NCS1: variants seen among roughly 807,000 people sequenced by gnomAD.
NCS1 encodes neuronal calcium sensor 1, also known as frequenin homolog.
Under a neutral mutation model 28.4 loss-of-function variants are expected in NCS1, and 6 were observed. The ratio of observed to expected loss-of-function variants is 0.21; its 90% CI spans 0.12 to 0.42. The LOEUF (loss-of-function observed/expected upper bound fraction) is 0.42. Ranked by LOEUF, NCS1 falls within the 10% of genes least tolerant of loss-of-function variation. NCS1 has a pLI of 1.00. For synonymous variants in NCS1, 86 were observed against 99.3 expected (o/e 0.87, Z 0.79); for missense variants, 131 against 241.4 (o/e 0.54, Z 3.03).
chr9:130,223,690 A>C (rs1588125570), intron 6 of NCS1, among the ~76,000 whole-genome samples: 1 of 152,138 alleles, frequency 6.6e-6, no homozygotes, highest in East Asian at 1.9e-4. Context: ...TCGACAGATC[A>C]CAGGTACTGC....
At chr9:130,193,352 G>A (rs1488657396) in intron 1 of NCS1, among the ~76,000 whole-genome samples, 4 of 152,104 alleles carry the variant, frequency 2.6e-5, no homozygotes, top group Non-Finnish European at 5.9e-5. Flanking sequence ...GCAGCTGCAG[G>A]TGGGGACTGG....
intron 1 of NCS1, among the ~76,000 whole-genome samples, chr9:130,193,019 A>G (rs964267315): frequency 7.2e-5 from 11 of 152,206 alleles, no homozygotes; most frequent in Non-Finnish European, 1.6e-4. Context: ...TCCAGGTCCC[A>G]CAAGAGACCA....
rs1459596594 is a variant in NCS1, at chr9:130,175,754, C to T, written c.64+3027C>T. 1.3e-5 allele frequency among the ~76,000 whole-genome samples: 2 copies of T among 152,204 alleles called. No individual in the cohort carries two copies. The highest frequency in any genetic ancestry group is 4.8e-5 in the African/African-American group (2 of 41,458). ...CCTCACTGGACACACTGGGATTCCA[C>T]CTGGCTCAAACCCTAACCCAGTCCT... On this transcript the variant is annotated intron_variant, in intron 1 of 7. Transcript: ENST00000372398. The surrounding 1 kb of genome is among the most constrained non-coding windows in gnomAD (Gnocchi z 4.9).
intron 7 of NCS1, among the ~76,000 whole-genome samples, chr9:130,230,446 C>T (rs1408346232): frequency 6.6e-6 from 1 of 152,102 alleles, no homozygotes; most frequent in Non-Finnish European, 1.5e-5. Flanking sequence ...TGGTCACTCA[C>T]ACCTATCATC....
chr9:130,226,355 C>T lies in NCS1; in HGVS notation c.475-34C>T. 6.3e-7 allele frequency: 1 copy of T among 1,576,850 alleles called. No individual in the cohort carries two copies. Among genetic ancestry groups the T allele is most frequent in the Non-Finnish European group, 8.7e-7 (1 of 1,147,296 alleles). On this transcript the variant is annotated intron_variant, in intron 6 of 7. Coordinates refer to ENST00000372398, the MANE Select transcript of NCS1 (RefSeq NM_014286.4). This position sits in a 1 kb window ranked among gnomAD's most constrained non-coding sequence, Gnocchi z 4.8. ...TTGTCTAGAGCCCTCTCCTGGGAGGCCCTGCACCCTCAGCCGCCTCTCTCT... is the reference window on the plus strand; with the variant it reads ...TTGTCTAGAGCCCTCTCCTGGGAGGTCCTGCACCCTCAGCCGCCTCTCTCT...
intron 2 of NCS1, among the ~76,000 whole-genome samples, chr9:130,212,060 C>G (rs1191712993): frequency 2.1e-5 from 3 of 144,088 alleles, no homozygotes; most frequent in Non-Finnish European, 1.6e-5. Context: ...TATGGACGCC[C>G]TGAGCCAGGA....
At position 130,219,435 on chromosome 9, in the gene NCS1, C is replaced by A. The variant is rs1437615025; in HGVS notation, c.229-290C>A. Among the ~76,000 whole-genome samples the A allele has an allele frequency of 6.6e-6, 1 of 152,166 alleles. No individual in the cohort carries two copies. Among genetic ancestry groups the A allele is most frequent in the Non-Finnish European group, 1.5e-5 (1 of 68,020 alleles). On this transcript the variant is annotated intron_variant, in intron 3 of 7. Transcript: ENST00000372398. This position sits in a 1 kb window ranked among gnomAD's most constrained non-coding sequence, Gnocchi z 5.7. ...AGCTCAGGCATTGGTGCTTCTGGCA[C>A]CTTCTCCCATCAAGAGTGGAGTAAG...
chr9:130,204,786 T>C (rs1833003185), intron 2 of NCS1, among the ~76,000 whole-genome samples: 2 of 152,128 alleles, frequency 1.3e-5, no homozygotes, highest in South Asian at 4.1e-4. Context: ...TCTCTGCTGG[T>C]GTCAGTAACC....
intron 4 of NCS1, among the ~76,000 whole-genome samples, chr9:130,221,537 C>T (rs1833302666): frequency 6.9e-6 from 1 of 144,138 alleles, no homozygotes; most frequent in Admixed American, 7.1e-5. Flanking sequence ...TGGGCTCAAG[C>T]CATCCTCTCA....
chr9:130,182,465 T>C (rs1289621656), intron 1 of NCS1, among the ~76,000 whole-genome samples: 1 of 152,194 alleles, frequency 6.6e-6, no homozygotes, highest in South Asian at 2.1e-4. Context: ...GCAGATAGGA[T>C]CCTTCCCGCT....
At chr9:130,202,934 T>C (rs916449957) in intron 2 of NCS1, among the ~76,000 whole-genome samples, 3 of 151,836 alleles carry the variant, frequency 2.0e-5, no homozygotes, top group Non-Finnish European at 2.9e-5. Context: ...TCATTCCACA[T>C]GGCAGATGAG....
At position 130,226,566 on chromosome 9, in the gene NCS1, C is replaced by T; in HGVS notation, c.*17+62C>T. On this transcript the variant is annotated intron_variant, in intron 7 of 7. Transcript: ENST00000372398. This position sits in a 1 kb window ranked among gnomAD's most constrained non-coding sequence, Gnocchi z 4.8. ...TGGGTCAGGGGTGAAAACCCAGCAG[C>T]AGGACACCTACGGTTGGCAGGTAAT... 1 of 1,246,758 alleles carries T rather than the reference C, an allele frequency of 8.0e-7. No individual in the cohort carries two copies. The highest frequency in any genetic ancestry group is 1.2e-6 in the Non-Finnish European group (1 of 868,568). The allele number at this position is 1,246,758 out of a possible 1,614,324, so 77.2% of individuals were successfully genotyped here. A position where few individuals can be genotyped will look rare whatever the true frequency, so the allele number is the denominator to read the frequency against.
chr9:130,226,336 A>T lies in NCS1; in HGVS notation c.475-53A>T, dbSNP rs1833414284. ...GACCGGCCCTGGGCTGGGCTTGTCTAGAGCCCTCTCCTGGGAGGCCCTGCA... is the reference window on the plus strand; with the variant it reads ...GACCGGCCCTGGGCTGGGCTTGTCTTGAGCCCTCTCCTGGGAGGCCCTGCA... On this transcript the variant is annotated intron_variant, in intron 6 of 7. Transcript: ENST00000372398. This position sits in a 1 kb window ranked among gnomAD's most constrained non-coding sequence, Gnocchi z 4.8. 6.7e-7 allele frequency: 1 copy of T among 1,498,978 alleles called. No individual in the cohort carries two copies. 92.9% of individuals were successfully genotyped at this position (1,498,978 alleles called of 1,614,324 possible). A position where few individuals can be genotyped will look rare whatever the true frequency, so the allele number is the denominator to read the frequency against.
At chr9:130,200,301 T>C (rs1237621131) in intron 1 of NCS1, 1 of 467,094 alleles carries the variant, frequency 2.1e-6, no homozygotes, top group East Asian at 3.6e-5. Context: ...GAAAAAGCAT[T>C]TTTGTTTGTT....
chr9:130,227,673 A>G (rs1265213300), intron 7 of NCS1, among the ~76,000 whole-genome samples: 3 of 152,218 alleles, frequency 2.0e-5, no homozygotes, highest in Non-Finnish European at 4.4e-5. Flanking sequence ...ATGCCTTGTT[A>G]TAAGTGTATC....
intron 1 of NCS1, among the ~76,000 whole-genome samples, chr9:130,172,987 G>C (rs554024111): frequency 6.6e-6 from 1 of 151,920 alleles, no homozygotes; most frequent in Non-Finnish European, 1.5e-5. Context: ...GTCCGGAGGG[G>C]CAGCCCCAGC....
At chr9:130,214,319 A>G (rs1165632585) in intron 2 of NCS1, among the ~76,000 whole-genome samples, 2 of 152,146 alleles carry the variant, frequency 1.3e-5, no homozygotes, top group East Asian at 3.9e-4. Flanking sequence ...AGAAAGCGAT[A>G]TTCTCACGCT....
Position 130,189,879 on chromosome 9 carries a change from AATATATATAT to A in NCS1, c.65-11058_65-11049del, listed in dbSNP as rs1203988125. Among the ~76,000 whole-genome samples, 148 of 37,744 alleles carry A rather than the reference AATATATATAT, an allele frequency of 3.9e-3. 4 individuals are homozygous for A. Among genetic ancestry groups the A allele is most frequent in the Middle Eastern group, 0.032 (2 of 62 alleles). 24.8% of individuals were successfully genotyped at this position (37,744 alleles called of 152,430 possible). A position where few individuals can be genotyped will look rare whatever the true frequency, so the allele number is the denominator to read the frequency against. On this transcript the variant is annotated intron_variant, in intron 1 of 7. Transcript: ENST00000372398. The stretch of plus-strand genomic sequence containing the variant: ...ATCTCAAAAAAAAAAAAAAAAAAAA[AATATATATAT>A]ATATATATATATATATATATTCCCA...
At chr9:130,182,234 C>A (rs1184925206) in intron 1 of NCS1, among the ~76,000 whole-genome samples, 4 of 152,194 alleles carry the variant, frequency 2.6e-5, no homozygotes, top group African/African-American at 7.2e-5. Context: ...CCCAGCCAGC[C>A]AATCGATGGC....
Sources: allele counts gnomAD v4.1 joint callset (sites outside exome capture counted in the v4.1 genomes callset), GRCh38; gene constraint gnomAD v4.1.1; non-coding constraint Gnocchi (gnomAD v3.1); transcripts MANE v1.5; gene names NCBI Gene and HGNC (gene_info 2026-07-23, HGNC 2026-07-21).